Variants in LRP12 observed in about 807,000 individuals in gnomAD.
The protein encoded by LRP12 is LDL receptor related protein 12, also known as low-density lipoprotein receptor-related protein 12.
Under a neutral mutation model 66.0 loss-of-function variants are expected in LRP12, and 14 were observed. The observed-to-expected ratio is 0.21, with a 90% CI of 0.14 to 0.33. LRP12 has a LOEUF of 0.33. LRP12 is among the 10% of genes least tolerant of loss of function. LRP12 has a pLI of 1.00. For synonymous variants in LRP12, 357 were observed against 359.1 expected (o/e 0.99, Z 0.07); for missense variants, 889 against 1,053.4 (o/e 0.84, Z 2.16).
At chr8:104,562,440 GA>G (rs1215434562) in intron 1 of LRP12, among the ~76,000 whole-genome samples, 136 of 152,028 alleles carry the variant, frequency 8.9e-4, no homozygotes, top group Non-Finnish European at 1.8e-4. Context: ...AATAGTTTAT[GA>G]AAAAAAGTGA....
At chr8:104,566,499 C>A (rs1189895495) in intron 1 of LRP12, 1 of 158,112 alleles carries the variant, frequency 6.3e-6, no homozygotes, top group Non-Finnish European at 1.4e-5. Flanking sequence ...AGAGTGTGTC[C>A]ATACTATTGA....
intron 1 of LRP12, among the ~76,000 whole-genome samples, chr8:104,545,161 C>A (rs1811535601): frequency 6.6e-6 from 1 of 152,084 alleles, no homozygotes; most frequent in African/African-American, 2.4e-5. Context: ...CGCAACAGAA[C>A]TAGAATTAGA....
At chr8:104,557,017 A>G (rs554518929) in intron 1 of LRP12, among the ~76,000 whole-genome samples, 18 of 152,292 alleles carry the variant, frequency 1.2e-4, no homozygotes, top group African/African-American at 3.8e-4. Context: ...AAAAATCACA[A>G]TCATCTCAAT....
intron 1 of LRP12, among the ~76,000 whole-genome samples, chr8:104,549,871 C>G (rs181728164): frequency 1.1e-3 from 168 of 152,240 alleles, no homozygotes; most frequent in Non-Finnish European, 1.8e-3. Flanking sequence ...CCATTATTTG[C>G]GTCAAGTTTC....
At chr8:104,532,016 T>G in intron 1 of LRP12, 53 bp from the exon 2 acceptor site, 1 of 1,162,412 alleles carries the variant, frequency 8.6e-7, no homozygotes, top group Non-Finnish European at 1.2e-6. Context: ...TTACAAAATT[T>G]TTTCAGATCC....
intron 1 of LRP12, among the ~76,000 whole-genome samples, chr8:104,552,657 T>C (rs759682382): frequency 6.6e-6 from 1 of 152,162 alleles, no homozygotes; most frequent in Non-Finnish European, 1.5e-5. Context: ...TACAGAAATA[T>C]CACATGTGAA....
intron 1 of LRP12, among the ~76,000 whole-genome samples, chr8:104,551,933 G>C (rs1293533293): frequency 6.6e-6 from 1 of 152,104 alleles, no homozygotes; most frequent in Non-Finnish European, 1.5e-5. Flanking sequence ...AAAATTATCA[G>C]ATTTTGGAAT....
Position 104,588,964 on chromosome 8 carries a change from A to AGGTAGACGACGCCGC in LRP12, c.-68_-67insGCGGCGTCGTCTACC. The AGGTAGACGACGCCGC allele has an allele frequency of 3.3e-6, 3 of 905,716 alleles. No homozygotes were observed. The South Asian group carries it at 5.1e-5, about 15-fold the overall frequency. 56.1% of individuals were successfully genotyped at this position (905,716 alleles called of 1,614,324 possible). ...AGGGAGGAGAAGCTGGAGGTAGACGACGCCGACGCCGCCGCCGCCGCCGCC... is the reference window on the plus strand; with the variant it reads ...AGGGAGGAGAAGCTGGAGGTAGACGAGGTAGACGACGCCGCCGCCGACGCCGCCGCCGCCGCCGCC... On this transcript the variant is annotated 5_prime_UTR_variant, in exon 1 of 7. Coordinates refer to ENST00000276654, the MANE Select transcript of LRP12 (RefSeq NM_013437.5).
chr8:104,504,724 C>G (rs1158312285), intron 3 of LRP12: 1 of 152,076 alleles, frequency 6.6e-6, no homozygotes, highest in African/African-American at 2.4e-5. Context: ...TTCCACATGT[C>G]TTTGAAAAGA....
intron 1 of LRP12, among the ~76,000 whole-genome samples, chr8:104,553,256 C>T (rs1386096205): frequency 6.6e-6 from 1 of 152,096 alleles, no homozygotes; most frequent in Non-Finnish European, 1.5e-5. Flanking sequence ...ATGGGGAGTG[C>T]AGATACATGC....
At chr8:104,528,577 C>G (rs1394152269) in intron 2 of LRP12, among the ~76,000 whole-genome samples, 1 of 152,128 alleles carries the variant, frequency 6.6e-6, no homozygotes, top group Non-Finnish European at 1.5e-5. Context: ...GAGTTTGAGA[C>G]CAGCCTGGCC....
At position 104,497,625 on chromosome 8, in the gene LRP12, A is replaced by G; in HGVS notation, c.927T>C (p.Thr309=). Residue 309 remains threonine (T), a synonymous_variant, in exon 5 of 7, where the codon ACT becomes ACC. Coordinates refer to ENST00000276654, the MANE Select transcript of LRP12 (RefSeq NM_013437.5). The surrounding 1 kb of genome is among the most constrained non-coding windows in gnomAD (Gnocchi z 4.3). The part of the protein sequence containing the change: ...LRFTDFKLDG[T]GYGDYVKIYD... Reference sequence around the variant, plus strand: ...ATATTTTGACATAATCACCATAACCAGTACCATCAAGTTTAAAGTCAGTGA... The same window carrying G: ...ATATTTTGACATAATCACCATAACCGGTACCATCAAGTTTAAAGTCAGTGA... 1 of 1,614,086 alleles carries G rather than the reference A, an allele frequency of 6.2e-7. No homozygotes were observed. The highest frequency in any genetic ancestry group is 8.5e-7 in the Non-Finnish European group (1 of 1,179,994).
In LRP12 at chr8:104,499,329, C is replaced by T; in HGVS notation, c.463G>A (p.Ala155Thr). 6.2e-7 allele frequency: 1 copy of T among 1,610,090 alleles called. No individual in the cohort carries two copies. Among genetic ancestry groups the T allele is most frequent in the Non-Finnish European group, 8.5e-7 (1 of 1,178,728 alleles). Reference sequence around the variant, plus strand: ...TTTAAAAACACACCTGAAAAATATGCCAGTCTGAAACCCTTTCTAGAGATG... The same window carrying T: ...TTTAAAAACACACCTGAAAAATATGTCAGTCTGAAACCCTTTCTAGAGATG... ...DNISRKGFRL[A>T]YFSGKSEEPN... Residue 155 changes from alanine (A) to threonine (T), a missense_variant, in exon 4 of 7, where the codon GCA becomes ACA. By Grantham distance (58) the Ala-to-Thr change is moderately conservative (BLOSUM62 0). Coordinates refer to ENST00000276654, the MANE Select transcript of LRP12 (RefSeq NM_013437.5).
At chr8:104,547,541 A>T in intron 1 of LRP12, among the ~76,000 whole-genome samples, 1 of 125,620 alleles carries the variant, frequency 8.0e-6, no homozygotes, top group Non-Finnish European at 1.6e-5. Context: ...TTTTGTATAT[A>T]ATATATAATT....
intron 1 of LRP12, among the ~76,000 whole-genome samples, chr8:104,556,583 C>A (rs1340957883): frequency 6.6e-6 from 1 of 151,920 alleles, no homozygotes; most frequent in Non-Finnish European, 1.5e-5. Flanking sequence ...AACAGAAACT[C>A]TGAACAGATC....
intron 3 of LRP12, chr8:104,504,930 C>T (rs1319784366): frequency 6.6e-6 from 1 of 152,160 alleles, no homozygotes; most frequent in Non-Finnish European, 1.5e-5. Context: ...GTATTTTGTG[C>T]CTTAAGCTCA....
rs752171776 is a variant in LRP12 at position 104,520,200 on chromosome 8, G to A, written c.137-11126C>T. Among the ~76,000 whole-genome samples the A allele has an allele frequency of 2.6e-5, 4 of 151,926 alleles. 1 individual carries two copies. The highest frequency in any genetic ancestry group is 2.0e-4 in the Admixed American group (3 of 15,210). Reference sequence around the variant, plus strand: ...AATAATTTAGGATTTTGCTAACAATGCATAACGTAAGATGAATAGAGAAGA... The same window carrying A: ...AATAATTTAGGATTTTGCTAACAATACATAACGTAAGATGAATAGAGAAGA... On this transcript the variant is annotated intron_variant, in intron 2 of 6. Coordinates refer to ENST00000276654, the MANE Select transcript of LRP12 (RefSeq NM_013437.5).
rs1352103321 is a variant in LRP12 at position 104,497,558 on chromosome 8, A to G, written c.994T>C (p.Leu332=). 1.9e-6 allele frequency: 3 copies of G among 1,613,842 alleles called. No individual in the cohort carries two copies. The South Asian group carries it at 3.3e-5, about 18-fold the overall frequency. Residue 332 remains leucine, a synonymous_variant, in exon 5 of 7, where the codon TTG becomes CTG. Coordinates refer to ENST00000276654, the MANE Select transcript of LRP12 (RefSeq NM_013437.5). The surrounding 1 kb of genome is among the most constrained non-coding windows in gnomAD (Gnocchi z 4.3). ...GGTGCATGAGAATCAAAAGCTGTCA[A>G]CACACGCAAAAGCTTGTGTGGATTC... ...EENPHKLLRV[L]TAFDSHAPLT...
rs558431914 is a variant in LRP12, at chr8:104,526,367, T to A, written c.136+5540A>T. Among the ~76,000 whole-genome samples, 4 of 151,892 alleles carry A rather than the reference T, an allele frequency of 2.6e-5. No homozygotes were observed. In the East Asian group the frequency reaches 7.7e-4, roughly 29 times the overall value. ...ATATGGAACCAAAAAAGAGCCCGCA[T>A]CGCCAAGTCAATCCTAAGCCAAAAG... On this transcript the variant is annotated intron_variant, in intron 2 of 6. Transcript: ENST00000276654.
Sources: allele counts gnomAD v4.1 joint callset (sites outside exome capture counted in the v4.1 genomes callset), GRCh38; gene constraint gnomAD v4.1.1; non-coding constraint Gnocchi (gnomAD v3.1); transcripts MANE v1.5; gene names NCBI Gene and HGNC (gene_info 2026-07-23, HGNC 2026-07-21).